The following ITGA1 variants were observed in gnomAD, a reference collection of about 807,000 sequenced individuals.
ITGA1 encodes the protein integrin alpha-1.
A neutral mutation model predicts 145.9 loss-of-function variants in ITGA1; 85 were observed. That is an observed-to-expected ratio of 0.58 (90% CI 0.49 to 0.70). The LOEUF (loss-of-function observed/expected upper bound fraction) is 0.70. ITGA1 is among the 30% of genes least tolerant of loss of function. The pLI, the probability that ITGA1 is intolerant of heterozygous loss-of-function variation, is 0.00. For missense variants in ITGA1, 1,351 were observed against 1,418.7 expected, an observed-to-expected ratio of 0.95 and a Z score of 0.77; for synonymous variants, 520 against 495.3, an observed-to-expected ratio of 1.05 and a Z score of -0.66.
In ITGA1 at chr5:52,945,597, A is replaced by C. The variant is rs1751123269; in HGVS notation, c.3378+562A>C. Reference sequence around the variant, plus strand: ...CTCTTGTCCTTTTTATAAATTAATAAGCCAAGGTGACGGAGTAAGACCCCA... The same window carrying C: ...CTCTTGTCCTTTTTATAAATTAATACGCCAAGGTGACGGAGTAAGACCCCA... On this transcript the variant is annotated intron_variant, in intron 27 of 28. Coordinates refer to ENST00000282588, the MANE Select transcript of ITGA1 (RefSeq NM_181501.2). Among the ~76,000 whole-genome samples the C allele has an allele frequency of 3.9e-5, 6 of 152,326 alleles. No individual in the cohort carries two copies. In the South Asian group the frequency reaches 1.0e-3, roughly 26 times the overall value.
intron 11 of ITGA1, chr5:52,903,731 T>C (rs1750352405): frequency 6.6e-6 from 1 of 152,234 alleles, no homozygotes; most frequent in South Asian, 2.1e-4. Flanking sequence ...TGAAGAAATC[T>C]GGTTATTAAA....
In ITGA1 at chr5:52,891,063, C is replaced by A. The variant is rs1441816133; in HGVS notation, c.925-2612C>A. ...TTGCTGGAAATGACAAAGTTTTGTT[C>A]TTTTTAATGGATAAATAATATTCTG... On this transcript the variant is annotated intron_variant, in intron 8 of 28. Coordinates refer to ENST00000282588, the MANE Select transcript of ITGA1 (RefSeq NM_181501.2). 2.0e-5 allele frequency among the ~76,000 whole-genome samples: 3 copies of A among 151,958 alleles called. No individual in the cohort carries two copies. In the East Asian group the frequency reaches 5.8e-4, roughly 29 times the overall value.
rs79747573 is a variant in ITGA1 at position 52,894,332 on chromosome 5, A to G, written c.1090+492A>G. Among the ~76,000 whole-genome samples, 1,340 of 152,248 alleles carry G rather than the reference A, an allele frequency of 8.8e-3. 15 individuals carry two copies. The highest frequency in any genetic ancestry group is 0.031 in the African/African-American group (1,304 of 41,554). On this transcript the variant is annotated intron_variant, in intron 9 of 28. Coordinates refer to ENST00000282588, the MANE Select transcript of ITGA1 (RefSeq NM_181501.2). The stretch of plus-strand genomic sequence containing the variant: ...AAAGGTCTTCATGGAAATTTGCCTT[A>G]AAATCCATGGCAATGAAACATTGGT...
At chr5:52,901,064 G>A (rs960670166) in intron 11 of ITGA1, among the ~76,000 whole-genome samples, 4 of 152,110 alleles carry the variant, frequency 2.6e-5, no homozygotes, top group South Asian at 2.1e-4. Flanking sequence ...TAAGGATCCC[G>A]AGTTGGAAGA....
At chr5:52,857,508 T>C (rs965862301) in intron 2 of ITGA1, among the ~76,000 whole-genome samples, 1 of 151,992 alleles carries the variant, frequency 6.6e-6, no homozygotes, top group African/African-American at 2.4e-5. Flanking sequence ...ACTGCCCATC[T>C]CCCTCATTTT....
intron 1 of ITGA1, among the ~76,000 whole-genome samples, chr5:52,820,000 T>A: frequency 6.6e-6 from 1 of 152,050 alleles, no homozygotes; most frequent in Admixed American, 6.6e-5. Flanking sequence ...GTTCCATTGG[T>A]CTATATCTCT....
intron 1 of ITGA1, among the ~76,000 whole-genome samples, chr5:52,842,566 G>A (rs145096020): frequency 1.0e-3 from 156 of 151,958 alleles, no homozygotes; most frequent in African/African-American, 3.5e-3. Context: ...TTTGCTAAAT[G>A]CATAATTTGT....
intron 24 of ITGA1, 51 bp downstream of exon 24, chr5:52,937,565 T>C: frequency 8.8e-7 from 1 of 1,136,416 alleles, no homozygotes; most frequent in South Asian, 1.3e-5. Context: ...CTTTTCCACT[T>C]TATGTTTAAG....
intron 14 of ITGA1, 22 bp downstream of exon 14, chr5:52,910,441 T>A (rs755973438): frequency 6.2e-7 from 1 of 1,601,880 alleles, no homozygotes; most frequent in Non-Finnish European, 8.5e-7. Context: ...AACCTACAGA[T>A]TCCCACCCTT....
At chr5:52,827,178 T>C (rs1407039148) in intron 1 of ITGA1, among the ~76,000 whole-genome samples, 1 of 151,220 alleles carries the variant, frequency 6.6e-6, no homozygotes, top group Non-Finnish European at 1.5e-5. Context: ...CCAACCCTCA[T>C]GGATGACTTT....
intron 12 of ITGA1, 101 bp downstream of exon 12, chr5:52,906,009 TC>T: frequency 1.0e-6 from 1 of 1,003,068 alleles, no homozygotes; most frequent in Non-Finnish European, 1.5e-6. Context: ...ACCCACATAT[TC>T]AGTAACAACT....
At chr5:52,828,846 T>G (rs1247165244) in intron 1 of ITGA1, among the ~76,000 whole-genome samples, 2 of 152,200 alleles carry the variant, frequency 1.3e-5, no homozygotes, top group Admixed American at 1.3e-4. Flanking sequence ...TTTTCCAGTT[T>G]CTGATGGTTC....
intron 11 of ITGA1, chr5:52,904,801 C>G (rs1421002034): frequency 6.7e-6 from 1 of 148,512 alleles, no homozygotes; most frequent in African/African-American, 2.5e-5. Context: ...TGCAGTGAGC[C>G]GAGATCGCGC....
intron 1 of ITGA1, chr5:52,801,605 T>G (rs552609052): frequency 6.2e-7 from 1 of 1,614,090 alleles, no homozygotes; most frequent in Admixed American, 1.7e-5. Context: ...GCCATGGCAA[T>G]TGACACATTG....
chr5:52,800,473 T>A, intron 1 of ITGA1: 1 of 1,614,048 alleles, frequency 6.2e-7, no homozygotes, highest in East Asian at 2.2e-5. Flanking sequence ...TGAGGACATG[T>A]GGCACACTTA....
chr5:52,866,855 A>G (rs1272945723), intron 6 of ITGA1, among the ~76,000 whole-genome samples: 1 of 152,218 alleles, frequency 6.6e-6, no homozygotes, highest in Non-Finnish European at 1.5e-5. Flanking sequence ...CAGGGCAGAC[A>G]TAATGGATAA....
In ITGA1 at chr5:52,800,824, G is replaced by A. The variant is rs761560784; in HGVS notation, c.61+12410G>A. ...TGATGTGGCGGCTGTGGTCATGCAG[G>A]AAGGCCTCGCCCATATCTGCTTAGT... On this transcript the variant is annotated intron_variant, in intron 1 of 28. Transcript: ENST00000282588. 4 of 1,610,528 alleles carry A rather than the reference G, an allele frequency of 2.5e-6. No homozygotes were observed. In the South Asian group the frequency reaches 4.4e-5, roughly 18 times the overall value.
intron 1 of ITGA1, among the ~76,000 whole-genome samples, chr5:52,836,602 C>T (rs1334481297): frequency 6.6e-6 from 1 of 152,074 alleles, no homozygotes; most frequent in Non-Finnish European, 1.5e-5. Flanking sequence ...ATTTTGCCTA[C>T]CTCTGAAATT....
At chr5:52,932,485 A>G (rs1255506187) in intron 22 of ITGA1, 5 of 175,676 alleles carry the variant, frequency 2.8e-5, no homozygotes, top group Non-Finnish European at 5.9e-5. Flanking sequence ...GGCCGCCAGC[A>G]TATTTCTTGG....
Sources: gnomAD v4.1 joint callset for allele counts (sites outside exome capture counted in the v4.1 genomes callset) on GRCh38, gnomAD v4.1.1 for gene constraint, MANE v1.5 for transcripts, NCBI Gene and HGNC (gene_info 2026-07-23, HGNC 2026-07-21) for gene names.